ITGBL1: variants seen among roughly 807,000 people sequenced by gnomAD.
ITGBL1 encodes the protein integrin beta-like protein 1.
ITGBL1 carries 51 observed loss-of-function variants against 68.5 expected under a neutral mutation model. The ratio of observed to expected loss-of-function variants is 0.74; its 90% CI spans 0.59 to 0.94. The LOEUF is 0.94. ITGBL1 is among the 40% of genes least tolerant of loss of function. The pLI, the probability that ITGBL1 is intolerant of heterozygous loss-of-function variation, is 0.00. For synonymous variants in ITGBL1, 209 were observed against 227.3 expected (o/e 0.92, Z 0.72); for missense variants, 649 against 647.4 (o/e 1.00, Z -0.03).
intron 7 of ITGBL1, among the ~76,000 whole-genome samples, chr13:101,611,596 G>T (rs1263660724): frequency 6.6e-6 from 1 of 152,076 alleles, no homozygotes; most frequent in East Asian, 1.9e-4. Flanking sequence ...TAGTTGAACA[G>T]TAAGCTACTG....
intron 2 of ITGBL1, among the ~76,000 whole-genome samples, chr13:101,456,292 A>G (rs1273623696): frequency 2.0e-5 from 3 of 152,186 alleles, no homozygotes; most frequent in Admixed American, 2.0e-4. Flanking sequence ...CTTGAGCAGA[A>G]TCTGTCCCCG....
intron 8 of ITGBL1, among the ~76,000 whole-genome samples, chr13:101,695,494 C>G (rs981673431): frequency 6.6e-6 from 1 of 152,202 alleles, no homozygotes; most frequent in Non-Finnish European, 1.5e-5. Context: ...TTAAACAGAG[C>G]TTAAACATGA....
chr13:101,588,968 A>G (rs1168984407), intron 6 of ITGBL1, among the ~76,000 whole-genome samples: 2 of 152,202 alleles, frequency 1.3e-5, no homozygotes, highest in Non-Finnish European at 2.9e-5. Flanking sequence ...CCAACACCTG[A>G]TATTTCTAAG....
chr13:101,590,618 C>T (rs1376585206), intron 6 of ITGBL1, among the ~76,000 whole-genome samples: 1 of 152,134 alleles, frequency 6.6e-6, no homozygotes, highest in Non-Finnish European at 1.5e-5. Context: ...AAAGTGTCAA[C>T]AAGCAATGTT....
At chr13:101,527,398 A>G (rs1268968510) in intron 2 of ITGBL1, among the ~76,000 whole-genome samples, 1 of 152,064 alleles carries the variant, frequency 6.6e-6, no homozygotes, top group African/African-American at 2.4e-5. Context: ...CATGCTTTTG[A>G]GATTCATCCA....
At chr13:101,631,867 A>G (rs1420813973) in intron 7 of ITGBL1, among the ~76,000 whole-genome samples, 4 of 152,206 alleles carry the variant, frequency 2.6e-5, no homozygotes, top group African/African-American at 9.6e-5. Context: ...TACTAGAACA[A>G]TAATATAAAT....
At chr13:101,547,661 A>G (rs1032981767) in intron 2 of ITGBL1, among the ~76,000 whole-genome samples, 1 of 151,812 alleles carries the variant, frequency 6.6e-6, no homozygotes, top group African/African-American at 2.4e-5. Context: ...CAGGATGGCT[A>G]CAGTCAAAAA....
intron 3 of ITGBL1, among the ~76,000 whole-genome samples, chr13:101,571,324 C>T (rs184907342): frequency 6.6e-6 from 1 of 152,244 alleles, no homozygotes; most frequent in East Asian, 1.9e-4. Context: ...CCCCCACTCA[C>T]TGTACCTCAA....
intron 2 of ITGBL1, among the ~76,000 whole-genome samples, chr13:101,458,614 C>A (rs1377906491): frequency 2.0e-5 from 3 of 151,742 alleles, no homozygotes; most frequent in Non-Finnish European, 4.4e-5. Context: ...GCCTCCCCCA[C>A]CAGTGGATAC....
chr13:101,706,731 C>T (rs376619951), intron 8 of ITGBL1, 25 bp from the exon 9 acceptor site: 5 of 1,608,504 alleles, frequency 3.1e-6, no homozygotes, highest in African/African-American at 2.7e-5. Context: ...CATCCTCTCA[C>T]TCCTTTCCTG....
At chr13:101,620,306 T>C (rs1321480434) in intron 7 of ITGBL1, among the ~76,000 whole-genome samples, 2 of 152,220 alleles carry the variant, frequency 1.3e-5, no homozygotes. Context: ...AATACTAACT[T>C]AGGATGAAAA....
chr13:101,561,998 T>G (rs2050108172), intron 2 of ITGBL1, among the ~76,000 whole-genome samples: 1 of 152,142 alleles, frequency 6.6e-6, no homozygotes, highest in African/African-American at 2.4e-5. Context: ...GTAGATTGTG[T>G]GTCTATAGGA....
chr13:101,600,845 T>A (rs531576099), intron 7 of ITGBL1, among the ~76,000 whole-genome samples: 1 of 152,324 alleles, frequency 6.6e-6, no homozygotes, highest in Non-Finnish European at 1.5e-5. Context: ...TTTGCCAGTA[T>A]TTGATTGAGG....
intron 7 of ITGBL1, among the ~76,000 whole-genome samples, chr13:101,664,997 G>A (rs561198120): frequency 6.6e-6 from 1 of 152,266 alleles, no homozygotes; most frequent in Non-Finnish European, 1.5e-5. Flanking sequence ...GCCTCCCAAA[G>A]TGCTGAGATT....
chr13:101,515,793 ATCT>A (rs1368869316), intron 2 of ITGBL1, among the ~76,000 whole-genome samples: 4 of 152,278 alleles, frequency 2.6e-5, no homozygotes, highest in African/African-American at 9.6e-5. Flanking sequence ...CATCAGATTG[ATCT>A]TCTCTGCGAT....
chr13:101,684,429 TC>T (rs1265354235), intron 7 of ITGBL1, among the ~76,000 whole-genome samples: 1 of 151,978 alleles, frequency 6.6e-6, no homozygotes, highest in African/African-American at 2.4e-5. Flanking sequence ...AATCTATAGA[TC>T]AATTAGGGGA....
intron 5 of ITGBL1, 96 bp from the exon 6 acceptor site, chr13:101,583,120 A>G: frequency 7.0e-6 from 9 of 1,288,004 alleles, no homozygotes; most frequent in South Asian, 1.3e-5. Flanking sequence ...TTTTTTTCAA[A>G]CACAAAGTAA....
intron 7 of ITGBL1, among the ~76,000 whole-genome samples, chr13:101,632,145 C>CTA (rs1398303688): frequency 1.7e-3 from 252 of 149,506 alleles, no homozygotes; most frequent in Middle Eastern, 3.4e-3. Context: ...CTCTCTCTCT[C>CTA]TCTCTATATA....
At chr13:101,508,360 A>C (rs897090741) in intron 2 of ITGBL1, among the ~76,000 whole-genome samples, 10 of 152,192 alleles carry the variant, frequency 6.6e-5, no homozygotes, top group Admixed American at 6.5e-4. Context: ...GCATCTTTAC[A>C]TAAAAATATT....
Sources: allele counts gnomAD v4.1 joint callset (sites outside exome capture counted in the v4.1 genomes callset), GRCh38; gene constraint gnomAD v4.1.1; transcripts MANE v1.5; gene names NCBI Gene and HGNC (gene_info 2026-07-23, HGNC 2026-07-21).